Variants in SEZ6 observed in about 807,000 individuals in gnomAD.
The protein encoded by SEZ6 is seizure related 6 homolog.
In SEZ6, 53 loss-of-function variants were observed where a neutral mutation model predicts 101.0. The observed-to-expected ratio is 0.52, with a 90% confidence interval of 0.42 to 0.66. The LOEUF (loss-of-function observed/expected upper bound fraction) is 0.66. SEZ6 is among the 30% of genes least tolerant of loss of function. The probability of loss-of-function intolerance (pLI) is 0.00; values close to 1 mark genes in which losing one functional copy is unlikely to be tolerated. For missense variants in SEZ6, 1,102 were observed against 1,289.4 expected, an observed-to-expected ratio of 0.85 and a Z score of 2.23; for synonymous variants, 488 against 512.2, an observed-to-expected ratio of 0.95 and a Z score of 0.64.
intron 1 of SEZ6, among the ~76,000 whole-genome samples, chr17:28,996,870 G>A (rs2041550064): frequency 1.3e-5 from 2 of 152,178 alleles, no homozygotes; most frequent in Non-Finnish European, 2.9e-5. Flanking sequence ...AGAGCTGGGT[G>A]TGTGGACACC....
At position 29,005,321 on chromosome 17, in the gene SEZ6, C is replaced by T. The variant is rs917875428; in HGVS notation, c.55+494G>A. Among the ~76,000 whole-genome samples, 4 of 152,112 alleles carry T rather than the reference C, an allele frequency of 2.6e-5. No homozygotes were observed. The highest frequency in any genetic ancestry group is 2.0e-4 in the Admixed American group (3 of 15,298). On this transcript the variant is annotated intron_variant, in intron 1 of 16. Coordinates refer to ENST00000317338, the MANE Select transcript of SEZ6 (RefSeq NM_178860.5). The surrounding 1 kb of genome is among the most constrained non-coding windows in gnomAD (Gnocchi z 4.8). The stretch of plus-strand genomic sequence containing the variant: ...CCCAACCCCGGGTCCGGCCGCCATC[C>T]GGCCCCGTCTCCCCTCAGTAAGAAC...
intron 5 of SEZ6, among the ~76,000 whole-genome samples, chr17:28,962,303 T>C (rs2040989973): frequency 6.6e-6 from 1 of 152,192 alleles, no homozygotes; most frequent in African/African-American, 2.4e-5. Context: ...TTGCCTCCTC[T>C]CTCATCTTGG....
At chr17:28,957,750 A>T (rs1567981252) in intron 11 of SEZ6, 197 bp downstream of exon 11, 1 of 849,390 alleles carries the variant, frequency 1.2e-6, no homozygotes, top group Non-Finnish European at 1.8e-6. Context: ...TCTACCAGGA[A>T]TGAAATACTT....
At chr17:28,976,775 C>A (rs1001375833) in intron 3 of SEZ6, among the ~76,000 whole-genome samples, 6 of 152,234 alleles carry the variant, frequency 3.9e-5, no homozygotes, top group Non-Finnish European at 8.8e-5. Context: ...ACAGCCAGGG[C>A]AGCCTTCAAG....
intron 3 of SEZ6, among the ~76,000 whole-genome samples, chr17:28,975,512 C>T (rs2041209468): frequency 1.3e-5 from 2 of 152,208 alleles, no homozygotes; most frequent in Non-Finnish European, 2.9e-5. Context: ...ACTCTGTGCC[C>T]TTCTGAATTG....
intron 5 of SEZ6, among the ~76,000 whole-genome samples, chr17:28,962,396 C>T (rs1321462434): frequency 6.6e-6 from 1 of 152,224 alleles, no homozygotes; most frequent in Non-Finnish European, 1.5e-5. Context: ...TGCTTGCCAG[C>T]CTCCCCGCTA....
chr17:28,959,404 C>T lies in SEZ6; in HGVS notation c.1840G>A (p.Gly614Ser), dbSNP rs201206867. Residue 614 changes from glycine to serine, a missense_variant, in exon 9 of 17, where the codon GGT becomes AGT. Physicochemically the swap from Gly to Ser is moderately conservative, Grantham distance 56 (BLOSUM62 0). This residue lies in a region of SEZ6 where 556 missense variants were observed against 735.1 expected (regional missense o/e 0.76). Coordinates refer to ENST00000317338, the MANE Select transcript of SEZ6 (RefSeq NM_178860.5). This position sits in a 1 kb window ranked among gnomAD's most constrained non-coding sequence, Gnocchi z 4.4. ...CCCCAGATACAATCCTGCCCACGAC[C>T]GTAGGGCTCTGGCCAGTTGGGAGAG... is the stretch of plus-strand genomic sequence containing the variant. The part of the protein sequence containing the change: ...VLSPNWPEPY[G>S]RGQDCIWGVH... 4,756 of 1,613,950 alleles carry T rather than the reference C, an allele frequency of 2.9e-3. 54 individuals carry two copies. Among genetic ancestry groups the T allele is most frequent in the South Asian group, 0.021 (1,888 of 91,086 alleles).
chr17:28,962,449 G>T (rs1332454500), intron 5 of SEZ6, among the ~76,000 whole-genome samples: 2 of 152,160 alleles, frequency 1.3e-5, no homozygotes, highest in Non-Finnish European at 2.9e-5. Context: ...TTCAACTCTG[G>T]TTGTGCCTGG....
chr17:28,958,781 GAA>G (rs11400583), intron 10 of SEZ6, among the ~76,000 whole-genome samples: 2 of 141,970 alleles, frequency 1.4e-5, no homozygotes, highest in African/African-American at 2.6e-5. Context: ...AACTGTCTCA[GAA>G]AAAAAAAAAA....
chr17:28,967,829 G>C (rs969280821), intron 4 of SEZ6, among the ~76,000 whole-genome samples: 1 of 152,204 alleles, frequency 6.6e-6, no homozygotes, highest in Non-Finnish European at 1.5e-5. Flanking sequence ...AGTAGTTAAA[G>C]TATCACTTCC....
At chr17:28,987,419 G>C (rs2041399139) in intron 1 of SEZ6, among the ~76,000 whole-genome samples, 1 of 152,198 alleles carries the variant, frequency 6.6e-6, no homozygotes, top group African/African-American at 2.4e-5. Context: ...GGGCCGCTGG[G>C]ATCTGAGGCC....
chr17:28,993,990 C>T (rs1384822221), intron 1 of SEZ6, among the ~76,000 whole-genome samples: 1 of 152,242 alleles, frequency 6.6e-6, no homozygotes, highest in Non-Finnish European at 1.5e-5. Flanking sequence ...CTTTTGTCTG[C>T]TGCATCTGGG....
At chr17:28,993,851 C>T (rs2041499764) in intron 1 of SEZ6, among the ~76,000 whole-genome samples, 1 of 152,246 alleles carries the variant, frequency 6.6e-6, no homozygotes. Flanking sequence ...CACACGTGTC[C>T]ACTTTTGAGC....
chr17:28,997,673 CA>C (rs1206457610), intron 1 of SEZ6, among the ~76,000 whole-genome samples: 1 of 152,206 alleles, frequency 6.6e-6, no homozygotes, highest in Non-Finnish European at 1.5e-5. Flanking sequence ...GGGCTCCTCT[CA>C]AGGGGTCTTG....
At chr17:28,973,895 C>A (rs543325190) in intron 3 of SEZ6, among the ~76,000 whole-genome samples, 1 of 152,288 alleles carries the variant, frequency 6.6e-6, no homozygotes, top group East Asian at 1.9e-4. Context: ...GCAGAGGGAG[C>A]TGAGGACAAT....
In SEZ6 at chr17:28,956,012, C is replaced by G. The variant is rs1220315194; in HGVS notation, c.2953-18G>C. 4 of 1,612,142 alleles carry G rather than the reference C, an allele frequency of 2.5e-6. No homozygotes were observed. The highest frequency in any genetic ancestry group is 3.4e-6 in the Non-Finnish European group (4 of 1,179,222). On this transcript the variant is annotated intron_variant, in intron 16 of 16. Coordinates refer to ENST00000317338, the MANE Select transcript of SEZ6 (RefSeq NM_178860.5). ...GAAAGAGACTGCTGGGAGTTGGAAA[C>G]TTGTATTAGGTTTGCCAGGCCATAA... is the stretch of plus-strand genomic sequence containing the variant.
chr17:29,005,692 C>A lies in SEZ6; in HGVS notation c.55+123G>T. 2.0e-6 allele frequency: 2 copies of A among 985,156 alleles called. No individual in the cohort carries two copies. Among genetic ancestry groups the A allele is most frequent in the Non-Finnish European group, 2.6e-6 (2 of 755,944 alleles). The allele number at this position is 985,156 out of a possible 1,614,324, so 61.0% of individuals were successfully genotyped here. ...TTGGCCGGCGCCGGGGGCAGCGCAG[C>A]CGGCGGGGCGCGGTGCTTGGACTGG... On this transcript the variant is annotated intron_variant, in intron 1 of 16. Transcript: ENST00000317338. The surrounding 1 kb of genome is among the most constrained non-coding windows in gnomAD (Gnocchi z 4.8).
chr17:28,979,182 G>A (rs1365317001), intron 3 of SEZ6, among the ~76,000 whole-genome samples: 2 of 152,080 alleles, frequency 1.3e-5, no homozygotes, highest in East Asian at 3.9e-4. Context: ...GATAACCCAG[G>A]GAGGCTGGGG....
rs2041672624 is a variant in SEZ6 at position 29,005,310 on chromosome 17, C to T, written c.55+505G>A. 1.3e-5 allele frequency among the ~76,000 whole-genome samples: 2 copies of T among 152,134 alleles called. No individual in the cohort carries two copies. The highest frequency in any genetic ancestry group is 2.9e-5 in the Non-Finnish European group (2 of 68,014). On this transcript the variant is annotated intron_variant, in intron 1 of 16. Transcript: ENST00000317338. The surrounding 1 kb of genome is among the most constrained non-coding windows in gnomAD (Gnocchi z 4.8). ...GTGAGCGAGGTCCCAACCCCGGGTC[C>T]GGCCGCCATCCGGCCCCGTCTCCCC...
Sources: gnomAD v4.1 joint callset for allele counts (sites outside exome capture counted in the v4.1 genomes callset) on GRCh38, gnomAD v4.1.1 for gene constraint, gnomAD v4.1.1 regional missense constraint, Gnocchi (gnomAD v3.1) non-coding constraint, MANE v1.5 for transcripts, NCBI Gene and HGNC (gene_info 2026-07-23, HGNC 2026-07-21) for gene names.